Variants in DLGAP2 observed in about 807,000 individuals in gnomAD.
DLGAP2 encodes the protein DLG associated protein 2.
Under a neutral mutation model 100.3 loss-of-function variants are expected in DLGAP2, and 26 were observed. The observed-to-expected ratio is 0.26, with a 90% CI of 0.19 to 0.36. The LOEUF (loss-of-function observed/expected upper bound fraction) is 0.36. Among genes scored for constraint, DLGAP2 ranks in the 10% least tolerant of loss-of-function variants. The pLI is 1.00. For synonymous variants in DLGAP2, 886 were observed against 630.1 expected, an observed-to-expected ratio of 1.41 and a Z score of -6.08; for missense variants, 1,858 against 1,453.2, an observed-to-expected ratio of 1.28 and a Z score of -4.53.
intron 8 of DLGAP2, among the ~76,000 whole-genome samples, chr8:1,665,735 G>A (rs372302656): frequency 2.0e-5 from 3 of 152,230 alleles, no homozygotes; most frequent in Non-Finnish European, 4.4e-5. Context: ...AGCGCGCAGC[G>A]GACACCGGGC....
chr8:1,071,222 T>C (rs1283089768), intron 2 of DLGAP2, among the ~76,000 whole-genome samples: 1 of 152,244 alleles, frequency 6.6e-6, no homozygotes, highest in East Asian at 1.9e-4. Flanking sequence ...TGATAAAAAC[T>C]GTACTTCTAG....
intron 2 of DLGAP2, among the ~76,000 whole-genome samples, chr8:1,004,718 T>C (rs1170604925): frequency 1.3e-5 from 2 of 152,194 alleles, no homozygotes; most frequent in African/African-American, 2.4e-5. Flanking sequence ...TGCGGCATCT[T>C]TCTCAGCTGG....
intron 2 of DLGAP2, among the ~76,000 whole-genome samples, chr8:1,204,485 A>C (rs1278667975): frequency 6.6e-6 from 1 of 152,224 alleles, no homozygotes; most frequent in African/African-American, 2.4e-5. Context: ...CTTACTGCAT[A>C]CCTTCATCTA....
intron 3 of DLGAP2, among the ~76,000 whole-genome samples, chr8:1,310,838 A>G (rs1800596972): frequency 6.6e-6 from 1 of 152,110 alleles, no homozygotes; most frequent in Non-Finnish European, 1.5e-5. Flanking sequence ...TTGTCAAAGT[A>G]ACATTTTAGC....
At chr8:1,262,589 G>A (rs1260779396) in intron 3 of DLGAP2, 5 of 152,140 alleles carry the variant, frequency 3.3e-5, no homozygotes, top group Non-Finnish European at 5.9e-5. Context: ...AATCTCAGTT[G>A]TCATAATAAT....
At chr8:811,404 T>C (rs1471681712) in intron 1 of DLGAP2, among the ~76,000 whole-genome samples, 1 of 147,428 alleles carries the variant, frequency 6.8e-6, no homozygotes, top group African/African-American at 2.5e-5. Flanking sequence ...CAGCCAGGGC[T>C]CCTGCCGTGG....
chr8:907,605 G>A (rs1020877711), intron 1 of DLGAP2, among the ~76,000 whole-genome samples: 8 of 152,110 alleles, frequency 5.3e-5, no homozygotes, highest in African/African-American at 1.2e-4. Context: ...TTACCTTATT[G>A]TGGGAGCCCC....
chr8:1,439,424 C>G (rs1319049519), intron 3 of DLGAP2, among the ~76,000 whole-genome samples: 2 of 152,152 alleles, frequency 1.3e-5, no homozygotes, highest in Non-Finnish European at 2.9e-5. Flanking sequence ...CGTGTCCTCT[C>G]TAGTTCCTCA....
At chr8:820,405 G>C (rs1416946028) in intron 1 of DLGAP2, among the ~76,000 whole-genome samples, 2 of 152,064 alleles carry the variant, frequency 1.3e-5, no homozygotes, top group African/African-American at 4.8e-5. Flanking sequence ...GGGGCTAATA[G>C]GCAAATGACA....
chr8:1,012,133 C>T (rs60631122), intron 2 of DLGAP2, among the ~76,000 whole-genome samples: 6 of 152,146 alleles, frequency 3.9e-5, no homozygotes, highest in Admixed American at 6.5e-5. Context: ...CCAGGTGCAG[C>T]GGTATCCCCT....
intron 2 of DLGAP2, among the ~76,000 whole-genome samples, chr8:926,687 G>A (rs1798823404): frequency 6.6e-6 from 1 of 152,230 alleles, no homozygotes; most frequent in African/African-American, 2.4e-5. Context: ...TGCGGCAGCC[G>A]TGGGTGGCCG....
rs528477363 is a variant in DLGAP2 at position 1,452,753 on chromosome 8, C to T, written c.107-48613C>T. 6.6e-4 allele frequency among the ~76,000 whole-genome samples: 100 copies of T among 152,132 alleles called. 2 individuals are homozygous for T. The highest frequency in any genetic ancestry group is 2.3e-3 in the African/African-American group (94 of 41,540). On this transcript the variant is annotated intron_variant, in intron 3 of 14. Coordinates refer to ENST00000637795, the MANE Select transcript of DLGAP2 (RefSeq NM_001346810.2). ...CCGGGGTCAGGCTGGGTCAGTGGTT[C>T]TCCAGGTGTTTCCCAGACCAGCATC... is the stretch of plus-strand genomic sequence containing the variant.
At chr8:1,270,240 T>C (rs1377556416) in intron 3 of DLGAP2, among the ~76,000 whole-genome samples, 2 of 152,042 alleles carry the variant, frequency 1.3e-5, no homozygotes, top group Non-Finnish European at 2.9e-5. Context: ...CTGTGAACCG[T>C]ATACACAGAA....
At chr8:851,980 C>T (rs1024759229) in intron 1 of DLGAP2, among the ~76,000 whole-genome samples, 48 of 152,210 alleles carry the variant, frequency 3.2e-4, no homozygotes, top group African/African-American at 9.9e-4. Context: ...TCAGGGCACT[C>T]AGCTAGTGGG....
In DLGAP2 at chr8:1,707,577, G is replaced by T. The variant is rs958896889; in HGVS notation, c.*6171G>T. ...AGTGAGACCTAGGCTACTTTCGAAC[G>T]CTTCCTTCCGAACGGTAAGCCACTT... On this transcript the variant is annotated 3_prime_UTR_variant, in exon 15 of 15. Coordinates refer to ENST00000637795, the MANE Select transcript of DLGAP2 (RefSeq NM_001346810.2). 6.6e-6 allele frequency: 1 copy of T among 152,076 alleles called. No individual in the cohort carries two copies. The highest frequency in any genetic ancestry group is 1.5e-5 in the Non-Finnish European group (1 of 68,022). The allele number at this position is 152,076 out of a possible 1,614,324, so 9.4% of individuals were successfully genotyped here. A position where few individuals can be genotyped will look rare whatever the true frequency, so the allele number is the denominator to read the frequency against.
chr8:1,588,790 T>C (rs1194277543), intron 6 of DLGAP2, among the ~76,000 whole-genome samples: 1 of 146,542 alleles, frequency 6.8e-6, no homozygotes, highest in Non-Finnish European at 1.5e-5. Context: ...AGCATGGTAG[T>C]ACATGCCTGT....
At chr8:1,140,654 T>C (rs1796505675) in intron 2 of DLGAP2, among the ~76,000 whole-genome samples, 1 of 152,222 alleles carries the variant, frequency 6.6e-6, no homozygotes, top group Non-Finnish European at 1.5e-5. Flanking sequence ...CCTCCTGTAG[T>C]TCTTGCCACC....
intron 3 of DLGAP2, among the ~76,000 whole-genome samples, chr8:1,289,430 G>A (rs1328534090): frequency 6.6e-6 from 1 of 152,186 alleles, no homozygotes; most frequent in Non-Finnish European, 1.5e-5. Flanking sequence ...CACATGCCCT[G>A]TCTATTTTGC....
intron 10 of DLGAP2, among the ~76,000 whole-genome samples, chr8:1,676,024 G>GAGAC (rs1396703083): frequency 6.6e-6 from 1 of 152,166 alleles, no homozygotes; most frequent in Non-Finnish European, 1.5e-5. Context: ...TAGCAGACGT[G>GAGAC]AGACAGCTCT....
Sources: allele counts gnomAD v4.1 joint callset (sites outside exome capture counted in the v4.1 genomes callset), GRCh38; gene constraint gnomAD v4.1.1; transcripts MANE v1.5; gene names NCBI Gene and HGNC (gene_info 2026-07-23, HGNC 2026-07-21).